CASP10: variants seen among roughly 807,000 people sequenced by gnomAD.
CASP10 encodes the protein caspase-10.
A neutral mutation model predicts 48.5 loss-of-function variants in CASP10; 41 were observed. The ratio of observed to expected loss-of-function variants is 0.85; its 90% confidence interval spans 0.66 to 1.10. The LOEUF (loss-of-function observed/expected upper bound fraction) is 1.10. Among genes scored for constraint, CASP10 ranks in the 50% least tolerant of loss-of-function variants. The probability of loss-of-function intolerance (pLI) is 0.00; values close to 1 mark genes in which losing one functional copy is unlikely to be tolerated. For missense variants in CASP10, 614 were observed against 614.5 expected (o/e 1.00, Z 0.01); for synonymous variants, 232 against 238.4 (o/e 0.97, Z 0.25).
rs191212477 is a variant in CASP10 at position 201,196,141 on chromosome 2, G to C, written c.684+193G>C. ...GTGCACATTTTCTGAAAATTTAACA[G>C]TTGGCTGACACTAGCTGACTAGTGA... is the stretch of plus-strand genomic sequence containing the variant. On this transcript the variant is annotated intron_variant, in intron 5 of 9. Coordinates refer to ENST00000286186, the MANE Select transcript of CASP10 (RefSeq NM_032977.4). 1.4e-4 allele frequency: 78 copies of C among 557,058 alleles called. No individual in the cohort carries two copies. The East Asian group carries it at 2.3e-3, about 16-fold the overall frequency. The allele number at this position is 557,058 out of a possible 1,614,324, so 34.5% of individuals were successfully genotyped here.
At chr2:201,183,798 C>T (rs1334866221) in intron 1 of CASP10, among the ~76,000 whole-genome samples, 4 of 152,170 alleles carry the variant, frequency 2.6e-5, no homozygotes, top group African/African-American at 9.7e-5. Flanking sequence ...ATAGTTATGT[C>T]ACCTCGATAT....
chr2:201,217,680 C>CTG lies in CASP10; in HGVS notation c.1509_1510dup (p.Ala504ValfsTer5). On this transcript the variant is annotated frameshift_variant, in exon 10 of 10. Coordinates refer to ENST00000286186, the MANE Select transcript of CASP10 (RefSeq NM_032977.4). LOFTEE classifies it low-confidence loss of function (END_TRUNC). Reference sequence around the variant, plus strand: ...GGAACAAAGAAACAGATGCCCCAGCCTGCTTTCACACTAAGGAAAAAACTA... The same window carrying CTG: ...GGAACAAAGAAACAGATGCCCCAGCCTGTGCTTTCACACTAAGGAAAAAACTA... 6.8e-6 allele frequency: 11 copies of CTG among 1,614,166 alleles called. No individual in the cohort carries two copies. The highest frequency in any genetic ancestry group is 9.3e-6 in the Non-Finnish European group (11 of 1,180,000).
intron 1 of CASP10, among the ~76,000 whole-genome samples, chr2:201,183,595 G>T (rs1019197076): frequency 6.6e-6 from 1 of 152,242 alleles, no homozygotes; most frequent in African/African-American, 2.4e-5. Flanking sequence ...TGCTAGATGC[G>T]GTAGAATAGA....
chr2:201,216,304 G>A (rs1412917819), intron 9 of CASP10, among the ~76,000 whole-genome samples: 2 of 151,994 alleles, frequency 1.3e-5, no homozygotes, highest in African/African-American at 4.8e-5. Flanking sequence ...AGAAGTTTGA[G>A]GCTGTAGTGA....
In CASP10 at chr2:201,221,052, G is replaced by T; in HGVS notation, c.*3311G>T. On this transcript the variant is annotated 3_prime_UTR_variant, in exon 10 of 10. Transcript: ENST00000286186. ...TGTGCATCTATTTAAATCTAACTGT[G>T]CTGAGGTGCATATAAATGCCTTTAG... The T allele has an allele frequency of 3.0e-6, 3 of 985,412 alleles. No individual in the cohort carries two copies. The highest frequency in any genetic ancestry group is 3.6e-6 in the Non-Finnish European group (3 of 829,902). 61.0% of individuals were successfully genotyped at this position (985,412 alleles called of 1,614,324 possible).
chr2:201,218,941 T>C lies in CASP10; in HGVS notation c.*1200T>C, dbSNP rs1049053824. The C allele has an allele frequency of 1.3e-5, 13 of 985,350 alleles. No homozygotes were observed. In the African/African-American group the frequency reaches 1.4e-4, roughly 11 times the overall value. 61.0% of individuals were successfully genotyped at this position (985,350 alleles called of 1,614,324 possible). Reference sequence around the variant, plus strand: ...AGATGATGGCTCATTTACACTCAGCTGCTCTGCAAGCAGAAACTTTACAAC... The same window carrying C: ...AGATGATGGCTCATTTACACTCAGCCGCTCTGCAAGCAGAAACTTTACAAC... On this transcript the variant is annotated 3_prime_UTR_variant, in exon 10 of 10. Transcript: ENST00000286186.
At chr2:201,203,543 G>A (rs1429095998) in intron 5 of CASP10, among the ~76,000 whole-genome samples, 187 bp from the exon 6 acceptor site, 1 of 152,146 alleles carries the variant, frequency 6.6e-6, no homozygotes, top group Non-Finnish European at 1.5e-5. Flanking sequence ...CTGACCTCAG[G>A]TGATCCACCT....
intron 4 of CASP10, among the ~76,000 whole-genome samples, chr2:201,194,003 G>A (rs1439546379): frequency 6.6e-6 from 1 of 152,080 alleles, no homozygotes; most frequent in Non-Finnish European, 1.5e-5. Flanking sequence ...TTCTATACAT[G>A]TGGCTATTAT....
Position 201,203,604 on chromosome 2 carries a change from G to A in CASP10, c.685-126G>A, listed in dbSNP as rs561985756. The stretch of plus-strand genomic sequence containing the variant: ...TTACAGGCATGAGCCACCGCAACCG[G>A]CCCAATGACCTTTTCTGTGGCTGTG... On this transcript the variant is annotated intron_variant, in intron 5 of 9. Transcript: ENST00000286186. 10 of 879,890 alleles carry A rather than the reference G, an allele frequency of 1.1e-5. No homozygotes were observed. In the East Asian group the frequency reaches 2.5e-4, roughly 22 times the overall value. 54.5% of individuals were successfully genotyped at this position (879,890 alleles called of 1,614,324 possible). A position where few individuals can be genotyped will look rare whatever the true frequency, so the allele number is the denominator to read the frequency against.
At position 201,220,089 on chromosome 2, in the gene CASP10, G is replaced by C. The variant is rs542611835; in HGVS notation, c.*2348G>C. 1 of 985,334 alleles carries C rather than the reference G, an allele frequency of 1.0e-6. No homozygotes were observed. The highest frequency in any genetic ancestry group is 1.1e-4 in the East Asian group (1 of 8,822). The allele number at this position is 985,334 out of a possible 1,614,324, so 61.0% of individuals were successfully genotyped here. Reference sequence around the variant, plus strand: ...AAATTTGTTATAAGAATATTCACAAGAACACTGTTCTGATATCTCTGATTG... The same window carrying C: ...AAATTTGTTATAAGAATATTCACAACAACACTGTTCTGATATCTCTGATTG... On this transcript the variant is annotated 3_prime_UTR_variant, in exon 10 of 10. Coordinates refer to ENST00000286186, the MANE Select transcript of CASP10 (RefSeq NM_032977.4).
intron 3 of CASP10, among the ~76,000 whole-genome samples, chr2:201,190,806 G>A (rs143344779): frequency 5.7e-4 from 86 of 151,894 alleles, no homozygotes; most frequent in African/African-American, 2.0e-3. Context: ...TCTTTTGCTT[G>A]CACAGGTTCT....
chr2:201,198,774 T>C (rs1944903199), intron 5 of CASP10, among the ~76,000 whole-genome samples: 1 of 146,344 alleles, frequency 6.8e-6, no homozygotes, highest in East Asian at 2.1e-4. Flanking sequence ...TCTCCTGACC[T>C]CGTGATCCAC....
At chr2:201,224,486 A>G (rs1483874141), downstream of CASP10, among the ~76,000 whole-genome samples, 1 of 152,180 alleles carries the variant, frequency 6.6e-6, no homozygotes, top group Non-Finnish European at 1.5e-5. Flanking sequence ...AATTTTGAGT[A>G]GGTAATATTT....
intron 1 of CASP10, among the ~76,000 whole-genome samples, chr2:201,184,919 T>C (rs17468215): frequency 0.034 from 5,183 of 152,282 alleles, 116 homozygotes; most frequent in Middle Eastern, 0.088. Flanking sequence ...CATGTAATTT[T>C]TAACTTCCTA....
At chr2:201,198,445 G>A (rs559024000) in intron 5 of CASP10, among the ~76,000 whole-genome samples, 20 of 151,114 alleles carry the variant, frequency 1.3e-4, no homozygotes, top group Admixed American at 7.9e-4. Context: ...GGCTGATCTC[G>A]AACTCCTGAC....
In CASP10 at chr2:201,219,262, C is replaced by T. The variant is rs1945661739; in HGVS notation, c.*1521C>T. ...TCCAGCTTGGGCAACAGGGCGAGAC[C>T]TTGTTTAAAAAAAAAATTCAATATT... On this transcript the variant is annotated 3_prime_UTR_variant, in exon 10 of 10. Coordinates refer to ENST00000286186, the MANE Select transcript of CASP10 (RefSeq NM_032977.4). 1 of 242,792 alleles carries T rather than the reference C, an allele frequency of 4.1e-6. No homozygotes were observed. Among genetic ancestry groups the T allele is most frequent in the Non-Finnish European group, 6.6e-6 (1 of 151,400 alleles). The allele number at this position is 242,792 out of a possible 1,614,324, so 15.0% of individuals were successfully genotyped here. A position where few individuals can be genotyped will look rare whatever the true frequency, so the allele number is the denominator to read the frequency against.
At chr2:201,207,303 CA>C (rs1193664839) in intron 7 of CASP10, among the ~76,000 whole-genome samples, 2 of 152,208 alleles carry the variant, frequency 1.3e-5, no homozygotes, top group Non-Finnish European at 2.9e-5. Context: ...ATAAATACCC[CA>C]AGGGGTTTAG....
At chr2:201,202,794 G>A (rs1234220803) in intron 5 of CASP10, among the ~76,000 whole-genome samples, 3 of 152,226 alleles carry the variant, frequency 2.0e-5, no homozygotes, top group African/African-American at 7.2e-5. Flanking sequence ...GTCATAGGGG[G>A]AAGGGGGTGA....
At position 201,206,041 on chromosome 2, in the gene CASP10, G is replaced by A. The variant is rs41497945; in HGVS notation, c.813+68G>A. On this transcript the variant is annotated intron_variant, in intron 7 of 9. Transcript: ENST00000286186. ...TTTTTCCAAATTTAATCAAAAGGACGGTTTCTTTAGGGGCTCTCTCCCTAG... is the reference window on the plus strand; with the variant it reads ...TTTTTCCAAATTTAATCAAAAGGACAGTTTCTTTAGGGGCTCTCTCCCTAG... 8.7e-4 allele frequency: 787 copies of A among 901,608 alleles called. 6 individuals carry two copies. The African/African-American group carries it at 0.012, about 13-fold the overall frequency. 55.9% of individuals were successfully genotyped at this position (901,608 alleles called of 1,614,324 possible). A position where few individuals can be genotyped will look rare whatever the true frequency, so the allele number is the denominator to read the frequency against.
Sources: allele counts gnomAD v4.1 joint callset (sites outside exome capture counted in the v4.1 genomes callset), GRCh38; gene constraint gnomAD v4.1.1; transcripts MANE v1.5; gene names NCBI Gene and HGNC (gene_info 2026-07-23, HGNC 2026-07-21).